Variants in ROBO1 observed in about 807,000 individuals in gnomAD.
The protein encoded by ROBO1 is roundabout guidance receptor 1.
ROBO1 carries 149 observed loss-of-function variants against 195.9 expected under a neutral mutation model. The observed-to-expected ratio is 0.76, with a 90% CI of 0.67 to 0.87. The LOEUF is 0.87. Among genes scored for constraint, ROBO1 ranks in the 40% least tolerant of loss-of-function variants. ROBO1 has a pLI of 0.00. For missense variants in ROBO1, 1,933 were observed against 2,068.3 expected (o/e 0.93, Z 1.27); for synonymous variants, 816 against 733.2 (o/e 1.11, Z -1.82).
At chr3:79,657,204 C>T (rs1348041201) in intron 1 of ROBO1, among the ~76,000 whole-genome samples, 2 of 151,984 alleles carry the variant, frequency 1.3e-5, no homozygotes, top group Admixed American at 6.6e-5. Flanking sequence ...GGGGCACTTC[C>T]CACAGAAAAT....
At chr3:78,918,526 C>T (rs1482173318) in intron 4 of ROBO1, among the ~76,000 whole-genome samples, 1 of 152,106 alleles carries the variant, frequency 6.6e-6, no homozygotes, top group Admixed American at 6.5e-5. Context: ...GATTTTGTTT[C>T]AGTTAGTTTA....
At chr3:79,527,071 G>T (rs1263072219) in intron 2 of ROBO1, among the ~76,000 whole-genome samples, 3 of 152,014 alleles carry the variant, frequency 2.0e-5, no homozygotes, top group Admixed American at 2.0e-4. Context: ...GAGCTTTATG[G>T]TTGTCTGGGA....
intron 1 of ROBO1, among the ~76,000 whole-genome samples, chr3:79,661,729 A>G (rs942358934): frequency 2.0e-5 from 3 of 151,876 alleles, no homozygotes; most frequent in Non-Finnish European, 4.4e-5. Context: ...TTGCCTAGAA[A>G]CCTGTTTCGC....
chr3:79,355,716 C>T (rs1231883538), intron 2 of ROBO1, among the ~76,000 whole-genome samples: 1 of 152,084 alleles, frequency 6.6e-6, no homozygotes, highest in Non-Finnish European at 1.5e-5. Flanking sequence ...CAGGTTCATC[C>T]ATGTCGCTGC....
At chr3:79,618,122 G>A (rs558744702) in intron 1 of ROBO1, among the ~76,000 whole-genome samples, 37 of 151,712 alleles carry the variant, frequency 2.4e-4, no homozygotes, top group Non-Finnish European at 4.6e-4. Context: ...AGGAAATAGA[G>A]GATTATGTAA....
intron 2 of ROBO1, among the ~76,000 whole-genome samples, chr3:79,306,216 A>T (rs1375296566): frequency 6.6e-6 from 1 of 152,216 alleles, no homozygotes; most frequent in Non-Finnish European, 1.5e-5. Flanking sequence ...TGTTTTTCAA[A>T]ACAGCTGTAA....
At chr3:79,762,029 C>T (rs1409905938) in intron 1 of ROBO1, among the ~76,000 whole-genome samples, 1 of 152,128 alleles carries the variant, frequency 6.6e-6, no homozygotes, top group Non-Finnish European at 1.5e-5. Context: ...GTTCAATGGA[C>T]AAAGTTTGAG....
intron 2 of ROBO1, among the ~76,000 whole-genome samples, chr3:79,253,123 AATTC>A (rs1310520901): frequency 5.9e-5 from 9 of 152,232 alleles, no homozygotes; most frequent in Non-Finnish European, 1.2e-4. Context: ...ATAAAAATGA[AATTC>A]AATACAAATC....
intron 2 of ROBO1, among the ~76,000 whole-genome samples, chr3:79,149,562 T>C (rs988288024): frequency 6.6e-6 from 1 of 151,654 alleles, no homozygotes; most frequent in Admixed American, 6.6e-5. Context: ...TTTCAGTATG[T>C]TTTTTGTTGA....
chr3:78,715,657 G>A (rs146752047), intron 7 of ROBO1, among the ~76,000 whole-genome samples: 3 of 152,096 alleles, frequency 2.0e-5, no homozygotes, highest in South Asian at 2.1e-4. Flanking sequence ...TCAGCCTCCC[G>A]AGCAGCTGGG....
chr3:79,123,029 T>G (rs541425008), intron 3 of ROBO1, among the ~76,000 whole-genome samples: 55 of 152,166 alleles, frequency 3.6e-4, no homozygotes, highest in Non-Finnish European at 7.2e-4. Flanking sequence ...CTAATATACT[T>G]GCTTGTTAAC....
chr3:78,731,294 G>A (rs1286243363), intron 5 of ROBO1, among the ~76,000 whole-genome samples: 1 of 151,964 alleles, frequency 6.6e-6, no homozygotes, highest in African/African-American at 2.4e-5. Flanking sequence ...ATATACTGTT[G>A]GAACTTTGAG....
intron 4 of ROBO1, among the ~76,000 whole-genome samples, chr3:78,840,024 A>AC (rs1395312678): frequency 6.6e-6 from 1 of 152,232 alleles, no homozygotes; most frequent in Non-Finnish European, 1.5e-5. Context: ...GGAAGGCAAT[A>AC]CGGGACTGTG....
intron 2 of ROBO1, among the ~76,000 whole-genome samples, chr3:79,535,363 C>T (rs890123048): frequency 6.6e-6 from 1 of 152,074 alleles, no homozygotes; most frequent in Non-Finnish European, 1.5e-5. Flanking sequence ...AACTAATGCA[C>T]CACTGACAAT....
In ROBO1 at chr3:78,667,898, G is replaced by A. The variant is rs1343573651; in HGVS notation, c.1951C>T (p.Pro651Ser). ...CAATATTTACCTTGTGTTTTCACTGGATCTGATATTTGGCTTGGATCACTA... is the reference window on the plus strand; with the variant it reads ...CAATATTTACCTTGTGTTTTCACTGAATCTGATATTTGGCTTGGATCACTA... ...GISDPSQISD[P>S]VKTQDVLPTS... The change falls in exon 14 of 31, where the codon CCA becomes TCA. Residue 651 changes from proline to serine, a missense_variant. Pro to Ser is a moderately conservative substitution (Grantham distance 74). Around this residue, in one of 3 missense-constraint regions of ROBO1, gnomAD observed 1,737 missense variants for 1,882.5 expected, o/e 0.92. Transcript: ENST00000464233. 7.4e-6 allele frequency: 12 copies of A among 1,613,392 alleles called. No homozygotes were observed. Among genetic ancestry groups the A allele is most frequent in the East Asian group, 2.2e-5 (1 of 44,880 alleles).
intron 2 of ROBO1, among the ~76,000 whole-genome samples, chr3:79,488,778 TGGCGCC>T (rs1939293244): frequency 2.0e-5 from 3 of 152,166 alleles, no homozygotes; most frequent in African/African-American, 7.2e-5. Flanking sequence ...TACTAAAACC[TGGCGCC>T]ATGTACTTTG....
intron 4 of ROBO1, among the ~76,000 whole-genome samples, chr3:78,783,863 A>C (rs1376596589): frequency 6.6e-6 from 1 of 152,194 alleles, no homozygotes; most frequent in Non-Finnish European, 1.5e-5. Context: ...ATTACACTTC[A>C]CTATCCAAGG....
chr3:79,621,826 C>T (rs920303614), intron 1 of ROBO1, among the ~76,000 whole-genome samples: 4 of 152,108 alleles, frequency 2.6e-5, no homozygotes, highest in Non-Finnish European at 4.4e-5. Context: ...ATGAAAGGCT[C>T]ATAGATTTCA....
intron 2 of ROBO1, among the ~76,000 whole-genome samples, chr3:79,166,711 G>A (rs943849681): frequency 4.6e-5 from 7 of 151,708 alleles, no homozygotes; most frequent in Non-Finnish European, 7.4e-5. Context: ...GTCTATAGGC[G>A]CCCGCCACCA....
Sources: gnomAD v4.1 joint callset for allele counts (sites outside exome capture counted in the v4.1 genomes callset) on GRCh38, gnomAD v4.1.1 for gene constraint, gnomAD v4.1.1 regional missense constraint, MANE v1.5 for transcripts, NCBI Gene and HGNC (gene_info 2026-07-23, HGNC 2026-07-21) for gene names.